The following KCTD8 variants were observed in gnomAD, a reference collection of about 807,000 sequenced individuals.
KCTD8 encodes potassium channel tetramerization domain containing 8.
In KCTD8, 27 loss-of-function variants were observed where a neutral mutation model predicts 31.5. That is an observed-to-expected ratio of 0.86 (90% CI 0.63 to 1.18). The LOEUF is 1.18. Ranked by LOEUF, KCTD8 falls within the 50% of genes most tolerant of loss-of-function variation. The pLI is 0.00. For synonymous variants in KCTD8, 290 were observed against 280.0 expected (o/e 1.04, Z -0.36); for missense variants, 658 against 647.7 (o/e 1.02, Z -0.17).
At chr4:44,263,032 G>C (rs1258169863) in intron 1 of KCTD8, among the ~76,000 whole-genome samples, 1 of 152,038 alleles carries the variant, frequency 6.6e-6, no homozygotes, top group South Asian at 2.1e-4. Flanking sequence ...TCCTATATGA[G>C]AATTTTGTGT....
At chr4:44,404,365 T>C (rs1218157489) in intron 1 of KCTD8, among the ~76,000 whole-genome samples, 1 of 152,174 alleles carries the variant, frequency 6.6e-6, no homozygotes, top group Non-Finnish European at 1.5e-5. Context: ...TTCTTCTATG[T>C]ACATAAGGGT....
intron 1 of KCTD8, among the ~76,000 whole-genome samples, chr4:44,340,448 G>A (rs1242336511): frequency 1.3e-5 from 2 of 150,892 alleles, no homozygotes; most frequent in African/African-American, 2.4e-5. Context: ...ACAGGTGCCC[G>A]CCACCATGCC....
At chr4:44,327,766 C>G (rs1479088128) in intron 1 of KCTD8, among the ~76,000 whole-genome samples, 1 of 151,798 alleles carries the variant, frequency 6.6e-6, no homozygotes, top group Non-Finnish European at 1.5e-5. Context: ...TGTGCCTCGA[C>G]AGCCCCATCT....
intron 1 of KCTD8, among the ~76,000 whole-genome samples, chr4:44,294,134 G>T (rs962470753): frequency 6.6e-6 from 1 of 152,142 alleles, no homozygotes; most frequent in Non-Finnish European, 1.5e-5. Flanking sequence ...TCATAGAAAT[G>T]ATTTGACACA....
At chr4:44,354,926 G>A (rs1719303632) in intron 1 of KCTD8, among the ~76,000 whole-genome samples, 2 of 152,042 alleles carry the variant, frequency 1.3e-5, no homozygotes, top group African/African-American at 4.8e-5. Flanking sequence ...ACTATGAAAT[G>A]CTCTTCATTT....
At chr4:44,192,358 G>A (rs1485665717) in intron 1 of KCTD8, among the ~76,000 whole-genome samples, 7 of 151,856 alleles carry the variant, frequency 4.6e-5, no homozygotes, top group African/African-American at 1.5e-4. Flanking sequence ...AGGCTAGGAT[G>A]GGTATTATTT....
At chr4:44,204,168 A>C (rs1279075192) in intron 1 of KCTD8, among the ~76,000 whole-genome samples, 1 of 152,164 alleles carries the variant, frequency 6.6e-6, no homozygotes, top group African/African-American at 2.4e-5. Flanking sequence ...TAAATTTTAA[A>C]AATAGTAAAC....
At chr4:44,269,653 C>A (rs994656848) in intron 1 of KCTD8, among the ~76,000 whole-genome samples, 1 of 152,064 alleles carries the variant, frequency 6.6e-6, no homozygotes, top group Admixed American at 6.6e-5. Context: ...TGAAAAAGGG[C>A]TAATATCCAG....
chr4:44,400,891 C>T (rs1720633788), intron 1 of KCTD8, among the ~76,000 whole-genome samples: 1 of 151,568 alleles, frequency 6.6e-6, no homozygotes, highest in African/African-American at 2.4e-5. Flanking sequence ...GGCTGGACTA[C>T]AGTGGTATAA....
intron 1 of KCTD8, among the ~76,000 whole-genome samples, chr4:44,381,574 T>C (rs1312004610): frequency 6.6e-6 from 1 of 152,006 alleles, no homozygotes; most frequent in East Asian, 1.9e-4. Context: ...GACAATTATA[T>C]TGTTTGGTTG....
intron 1 of KCTD8, among the ~76,000 whole-genome samples, chr4:44,378,660 C>G (rs1398538158): frequency 6.6e-6 from 1 of 151,986 alleles, no homozygotes; most frequent in African/African-American, 2.4e-5. Context: ...AACAATGAAA[C>G]ATTATTTCAC....
Position 44,193,081 on chromosome 4 carries a change from CCTGA to C in KCTD8, c.962-17835_962-17832del, listed in dbSNP as rs535032545. On this transcript the variant is annotated intron_variant, in intron 1 of 1. Transcript: ENST00000360029. ...AATTAGTTCTGTCCCTCTAGAGAAC[CCTGA>C]CTAATACACCACTAGTTGAAAAAGA... Among the ~76,000 whole-genome samples, 1,034 of 152,022 alleles carry C rather than the reference CCTGA, an allele frequency of 6.8e-3. 8 individuals are homozygous for C. The highest frequency in any genetic ancestry group is 0.01 in the Non-Finnish European group (695 of 67,972).
intron 1 of KCTD8, among the ~76,000 whole-genome samples, chr4:44,233,373 C>T (rs1027460599): frequency 6.6e-6 from 1 of 152,140 alleles, no homozygotes; most frequent in Non-Finnish European, 1.5e-5. Context: ...TTCTGTGAAT[C>T]TAATAATCAC....
chr4:44,418,293 C>T (rs1721124958), intron 1 of KCTD8, among the ~76,000 whole-genome samples: 1 of 152,100 alleles, frequency 6.6e-6, no homozygotes, highest in South Asian at 2.1e-4. Flanking sequence ...ATTAGACAGA[C>T]ATGGCTAGAG....
intron 1 of KCTD8, among the ~76,000 whole-genome samples, chr4:44,287,386 C>A (rs184934455): frequency 6.6e-6 from 1 of 151,960 alleles, no homozygotes; most frequent in Non-Finnish European, 1.5e-5. Flanking sequence ...ATTATTTAAG[C>A]GTATGTTGAT....
At chr4:44,290,458 A>G (rs1228259356) in intron 1 of KCTD8, among the ~76,000 whole-genome samples, 3 of 152,170 alleles carry the variant, frequency 2.0e-5, no homozygotes, top group Non-Finnish European at 2.9e-5. Flanking sequence ...TTGAGCAATT[A>G]TACCTAACAG....
At chr4:44,389,586 G>A (rs1577650464) in intron 1 of KCTD8, among the ~76,000 whole-genome samples, 2 of 151,764 alleles carry the variant, frequency 1.3e-5, no homozygotes, top group African/African-American at 2.4e-5. Context: ...GGAGCTGGGG[G>A]TGGGGGTGTG....
intron 1 of KCTD8, among the ~76,000 whole-genome samples, chr4:44,275,158 G>C (rs1433974272): frequency 6.6e-6 from 1 of 151,896 alleles, no homozygotes; most frequent in Non-Finnish European, 1.5e-5. Context: ...GTAGAAATGA[G>C]ACAGGGATCA....
chr4:44,244,808 C>T (rs1263190985), intron 1 of KCTD8, among the ~76,000 whole-genome samples: 1 of 148,560 alleles, frequency 6.7e-6, no homozygotes, highest in East Asian at 2.0e-4. Context: ...TCAATTCATA[C>T]CCTTTGTGTT....
Sources: gnomAD v4.1 joint callset for allele counts (sites outside exome capture counted in the v4.1 genomes callset) on GRCh38, gnomAD v4.1.1 for gene constraint, MANE v1.5 for transcripts, NCBI Gene and HGNC (gene_info 2026-07-23, HGNC 2026-07-21) for gene names.